The following CRPPA variants were observed in gnomAD, a reference collection of about 807,000 sequenced individuals.
CRPPA encodes D-ribitol-5-phosphate cytidylyltransferase.
In CRPPA, 43 loss-of-function variants were observed where a neutral mutation model predicts 52.0. That is an observed-to-expected ratio of 0.83 (90% CI 0.65 to 1.07). The LOEUF (loss-of-function observed/expected upper bound fraction) is 1.07. Among genes scored for constraint, CRPPA ranks in the 50% least tolerant of loss-of-function variants. The pLI, the probability that CRPPA is intolerant of heterozygous loss-of-function variation, is 0.00. For synonymous variants in CRPPA, 250 were observed against 203.5 expected, an observed-to-expected ratio of 1.23 and a Z score of -1.94; for missense variants, 629 against 551.7, an observed-to-expected ratio of 1.14 and a Z score of -1.40.
chr7:16,349,773 A>G (rs1255098870), intron 3 of CRPPA, among the ~76,000 whole-genome samples: 3 of 152,116 alleles, frequency 2.0e-5, no homozygotes, highest in Non-Finnish European at 4.4e-5. Context: ...ATGGGACACC[A>G]TCAAGTGGAA....
At position 16,308,593 on chromosome 7, in the gene CRPPA, C is replaced by T; in HGVS notation, c.719G>A (p.Cys240Tyr). Residue 240 changes from cysteine to tyrosine, a missense_variant, in exon 4 of 10, where the codon TGT (cysteine) becomes TAT (tyrosine). By Grantham distance (194) the Cys-to-Tyr change is radical. Coordinates refer to ENST00000407010, the MANE Select transcript of CRPPA (RefSeq NM_001101426.4). ...SDYDLEFGTE[C>Y]LQLALKYCCT... ...ACAGTATTTTAGGGCCAATTGCAAACACTCAGTTCCAAATTCCAAGTCATA... is the reference window on the plus strand; with the variant it reads ...ACAGTATTTTAGGGCCAATTGCAAATACTCAGTTCCAAATTCCAAGTCATA... 1.2e-6 allele frequency: 2 copies of T among 1,610,326 alleles called. No individual in the cohort carries two copies. Among genetic ancestry groups the T allele is most frequent in the Non-Finnish European group, 1.7e-6 (2 of 1,177,810 alleles).
intron 9 of CRPPA, among the ~76,000 whole-genome samples, chr7:16,093,981 T>C (rs991761915): frequency 2.6e-5 from 4 of 152,176 alleles, no homozygotes; most frequent in Non-Finnish European, 4.4e-5. Context: ...TTTATACTTG[T>C]TATAATGAAG....
chr7:16,276,668 A>C (rs1262517187), intron 6 of CRPPA: 1 of 152,190 alleles, frequency 6.6e-6, no homozygotes, highest in Non-Finnish European at 1.5e-5. Context: ...TAGTTCCAGA[A>C]AACCAAAATG....
intron 8 of CRPPA, among the ~76,000 whole-genome samples, chr7:16,237,942 T>C (rs1782995166): frequency 6.6e-6 from 1 of 152,156 alleles, no homozygotes; most frequent in African/African-American, 2.4e-5. Flanking sequence ...TCCTCTCACA[T>C]CCTTAAGATG....
At chr7:16,402,279 C>A (rs1394464549) in intron 2 of CRPPA, among the ~76,000 whole-genome samples, 1 of 152,140 alleles carries the variant, frequency 6.6e-6, no homozygotes, top group Non-Finnish European at 1.5e-5. Context: ...TTTAACATTA[C>A]CACAGAATCT....
intron 6 of CRPPA, among the ~76,000 whole-genome samples, chr7:16,265,791 T>C (rs1170648147): frequency 6.6e-6 from 1 of 152,194 alleles, no homozygotes; most frequent in African/African-American, 2.4e-5. Flanking sequence ...ATTATCTTGT[T>C]AAAACTGCAT....
chr7:16,130,736 T>C (rs1429546616), intron 9 of CRPPA, among the ~76,000 whole-genome samples: 3 of 152,238 alleles, frequency 2.0e-5, no homozygotes, highest in African/African-American at 7.2e-5. Flanking sequence ...AAAGTATTCC[T>C]AGAAGTTTGG....
At chr7:16,274,553 T>TA (rs923188494) in intron 6 of CRPPA, among the ~76,000 whole-genome samples, 53 of 151,536 alleles carry the variant, frequency 3.5e-4, no homozygotes, top group African/African-American at 1.2e-3. Context: ...AGCTCCTCAT[T>TA]AAAAAAAAAT....
chr7:16,114,516 T>C (rs887057590), intron 9 of CRPPA, among the ~76,000 whole-genome samples: 8 of 152,186 alleles, frequency 5.3e-5, no homozygotes, highest in Non-Finnish European at 7.4e-5. Context: ...ATAAAGTTTA[T>C]TTAAAATCAC....
At chr7:16,184,044 C>T (rs1781460355) in intron 9 of CRPPA, among the ~76,000 whole-genome samples, 5 of 152,102 alleles carry the variant, frequency 3.3e-5, no homozygotes, top group East Asian at 3.9e-4. Flanking sequence ...CTGGTTCAAG[C>T]GATTCTCCTG....
chr7:16,113,631 C>A (rs1782310916), intron 9 of CRPPA, among the ~76,000 whole-genome samples: 1 of 152,106 alleles, frequency 6.6e-6, no homozygotes, highest in African/African-American at 2.4e-5. Context: ...AGCAAGAACA[C>A]AAGGACAGTA....
chr7:16,370,890 G>A (rs1368183639), intron 3 of CRPPA, among the ~76,000 whole-genome samples: 1 of 152,168 alleles, frequency 6.6e-6, no homozygotes. Flanking sequence ...CAGGGTGATT[G>A]CACTCCCACA....
At chr7:16,385,827 G>A (rs538366858) in intron 2 of CRPPA, among the ~76,000 whole-genome samples, 1 of 152,324 alleles carries the variant, frequency 6.6e-6, no homozygotes, top group African/African-American at 2.4e-5. Flanking sequence ...CTGTTTGGCT[G>A]CCATACACTC....
At position 16,413,755 on chromosome 7, in the gene CRPPA, ACTGAAACACAGACT is replaced by A. The variant is rs1372101202; in HGVS notation, c.257+7297_257+7310del. ...TTTTTTTAAAAAACAAAGTTAATAT[ACTGAAACACAGACT>A]ATGGAGTCTTAAACAATAATGAAAT... is the stretch of plus-strand genomic sequence containing the variant. On this transcript the variant is annotated intron_variant, in intron 1 of 9. Coordinates refer to ENST00000407010, the MANE Select transcript of CRPPA (RefSeq NM_001101426.4). Among the ~76,000 whole-genome samples, 6 of 152,364 alleles carry A rather than the reference ACTGAAACACAGACT, an allele frequency of 3.9e-5. No homozygotes were observed. In the East Asian group the frequency reaches 1.2e-3, roughly 29 times the overall value.
chr7:16,196,487 G>C (rs559521671), intron 9 of CRPPA, among the ~76,000 whole-genome samples: 73 of 152,232 alleles, frequency 4.8e-4, no homozygotes, highest in Non-Finnish European at 2.4e-4. Context: ...TATACAATCA[G>C]AAATAGTGAG....
intron 5 of CRPPA, among the ~76,000 whole-genome samples, chr7:16,282,614 G>C (rs772578543): frequency 6.6e-6 from 1 of 152,012 alleles, no homozygotes; most frequent in Non-Finnish European, 1.5e-5. Context: ...AAGTTTGAAA[G>C]TTATTAAAAT....
rs559000265 is a variant in CRPPA, at chr7:16,406,055, A to G, written c.534+6T>C. 22 of 1,611,480 alleles carry G rather than the reference A, an allele frequency of 1.4e-5. No individual in the cohort carries two copies. In the South Asian group the frequency reaches 2.4e-4, roughly 18 times the overall value. On this transcript the variant is annotated splice_donor_region_variant and intron_variant, in intron 2 of 9. Transcript: ENST00000407010. ...CTTCTATCTAGACTCAAGAAAAAAG[A>G]CTTACCCCGTGTTCCTTAGCAGCTG... is the stretch of plus-strand genomic sequence containing the variant.
chr7:16,283,006 T>G (rs1341452967), intron 5 of CRPPA, among the ~76,000 whole-genome samples: 1 of 152,074 alleles, frequency 6.6e-6, no homozygotes, highest in Non-Finnish European at 1.5e-5. Context: ...TGTTTTCCTT[T>G]TATATTTTCA....
chr7:16,375,085 G>A (rs551563336), intron 3 of CRPPA, among the ~76,000 whole-genome samples: 3 of 152,298 alleles, frequency 2.0e-5, no homozygotes, highest in African/African-American at 7.2e-5. Flanking sequence ...ACCATTTGAA[G>A]AGGAAAAGTT....
Sources: allele counts gnomAD v4.1 joint callset (sites outside exome capture counted in the v4.1 genomes callset), GRCh38; gene constraint gnomAD v4.1.1; transcripts MANE v1.5; gene names NCBI Gene and HGNC (gene_info 2026-07-23, HGNC 2026-07-21).